The following SUCLG2 variants were observed in gnomAD, a reference collection of about 807,000 sequenced individuals.
SUCLG2 encodes succinate--CoA ligase [GDP-forming] subunit beta, mitochondrial.
Under a neutral mutation model 47.9 loss-of-function variants are expected in SUCLG2, and 42 were observed. The observed-to-expected ratio is 0.88, with a 90% CI of 0.69 to 1.14. The LOEUF is 1.14. Among genes scored for constraint, SUCLG2 ranks in the 50% most tolerant of loss-of-function variants. SUCLG2 has a pLI of 0.00. For missense variants in SUCLG2, 571 were observed against 525.9 expected (o/e 1.09, Z -0.84); for synonymous variants, 195 against 197.3 (o/e 0.99, Z 0.10).
At chr3:67,633,960 T>C (rs910817277) in intron 1 of SUCLG2, among the ~76,000 whole-genome samples, 2 of 152,240 alleles carry the variant, frequency 1.3e-5, no homozygotes, top group East Asian at 3.8e-4. Context: ...TAATCCAGTA[T>C]AAGACTACTC....
chr3:67,642,084 T>G (rs1329414915), intron 1 of SUCLG2, among the ~76,000 whole-genome samples: 1 of 152,248 alleles, frequency 6.6e-6, no homozygotes, highest in Non-Finnish European at 1.5e-5. Context: ...CTATCTCCTT[T>G]AAAGATAGAG....
intron 4 of SUCLG2, among the ~76,000 whole-genome samples, chr3:67,526,319 T>C (rs1340311824): frequency 6.6e-6 from 1 of 152,186 alleles, no homozygotes; most frequent in Non-Finnish European, 1.5e-5. Context: ...AATCTCATAA[T>C]GTTTAGAAAG....
In SUCLG2 at chr3:67,592,744, A is replaced by AC. The variant is rs1559587058; in HGVS notation, c.226+16710_226+16711insG. ...AAAAAAAAAAAAAAAAAACAACAAA[A>AC]AAAAACTGAATATCAAAGCCACAGC... On this transcript the variant is annotated intron_variant, in intron 2 of 10. Transcript: ENST00000307227. Among the ~76,000 whole-genome samples, 160 of 146,770 alleles carry AC rather than the reference A, an allele frequency of 1.1e-3. 2 individuals carry two copies. The East Asian group carries it at 0.027, about 25-fold the overall frequency.
intron 10 of SUCLG2, among the ~76,000 whole-genome samples, chr3:67,395,787 C>G (rs942475145): frequency 1.6e-4 from 25 of 152,030 alleles, no homozygotes; most frequent in Non-Finnish European, 3.4e-4. Flanking sequence ...CTCTCCTCAG[C>G]TAAAGTAAAA....
chr3:67,445,702 T>C (rs1703911421), intron 9 of SUCLG2, among the ~76,000 whole-genome samples: 1 of 40,110 alleles, frequency 2.5e-5, no homozygotes, highest in South Asian at 1.0e-3. Flanking sequence ...CTGACCATTT[T>C]TGAGAGAATG....
intron 1 of SUCLG2, among the ~76,000 whole-genome samples, chr3:67,625,927 G>A (rs1700818584): frequency 6.6e-6 from 1 of 152,072 alleles, no homozygotes; most frequent in African/African-American, 2.4e-5. Flanking sequence ...AGAATGGTAA[G>A]CAGATAAGAA....
chr3:67,608,909 T>A (rs1452685260), intron 2 of SUCLG2, among the ~76,000 whole-genome samples: 1 of 152,120 alleles, frequency 6.6e-6, no homozygotes, highest in East Asian at 1.9e-4. Context: ...ACTCCTGGAC[T>A]CAAGTGATCC....
chr3:67,541,902 C>G, intron 2 of SUCLG2, among the ~76,000 whole-genome samples: 1 of 150,374 alleles, frequency 6.7e-6, no homozygotes, highest in Non-Finnish European at 1.5e-5. Context: ...GAGTTTTGCT[C>G]TTGTTGCCCA....
intron 9 of SUCLG2, among the ~76,000 whole-genome samples, chr3:67,459,848 G>A (rs78400370): frequency 0.026 from 4,017 of 152,234 alleles, 74 homozygotes; most frequent in East Asian, 0.067. Flanking sequence ...CAATGGTACC[G>A]TTCTAAGGTT....
At chr3:67,634,685 T>C (rs147120525) in intron 1 of SUCLG2, among the ~76,000 whole-genome samples, 1 of 152,288 alleles carries the variant, frequency 6.6e-6, no homozygotes, top group Admixed American at 6.5e-5. Flanking sequence ...ATTCAATCTT[T>C]GGGCTCTCAT....
At chr3:67,509,726 G>A (rs1488794099) in intron 6 of SUCLG2, among the ~76,000 whole-genome samples, 5 of 152,182 alleles carry the variant, frequency 3.3e-5, no homozygotes, top group African/African-American at 9.7e-5. Context: ...GTGGATCGTG[G>A]AGAAGAATTA....
chr3:67,454,238 T>G (rs1704126361), intron 9 of SUCLG2, among the ~76,000 whole-genome samples: 2 of 152,246 alleles, frequency 1.3e-5, no homozygotes, highest in South Asian at 4.1e-4. Context: ...CATTTATATA[T>G]CTCCAGGATT....
intron 2 of SUCLG2, among the ~76,000 whole-genome samples, chr3:67,573,133 G>GA (rs1416948090): frequency 6.6e-6 from 1 of 152,110 alleles, no homozygotes; most frequent in Non-Finnish European, 1.5e-5. Context: ...ACATACGCTT[G>GA]AAAACCACAA....
intron 9 of SUCLG2, among the ~76,000 whole-genome samples, chr3:67,487,765 G>A (rs756120882): frequency 6.6e-6 from 1 of 152,132 alleles, no homozygotes; most frequent in Non-Finnish European, 1.5e-5. Flanking sequence ...AACTATTACT[G>A]AGGTAATTCA....
In SUCLG2 at chr3:67,379,856, C is replaced by T. The variant is rs111980253; in HGVS notation, c.1184-3997G>A. On this transcript the variant is annotated intron_variant, in intron 10 of 10. Transcript: ENST00000307227. The stretch of plus-strand genomic sequence containing the variant: ...GGGCTGGTACAATGAACTTCTGGAG[C>T]ACCTTGTATTTCTAAAATCTTACCA... Among the ~76,000 whole-genome samples the T allele has an allele frequency of 2.3e-4, 35 of 152,324 alleles. 1 individual carries two copies. The highest frequency in any genetic ancestry group is 6.0e-4 in the African/African-American group (25 of 41,578).
Position 67,647,384 on chromosome 3 carries a change from T to C in SUCLG2, c.84+7119A>G, listed in dbSNP as rs139808860. Among the ~76,000 whole-genome samples the C allele has an allele frequency of 2.4e-3, 366 of 152,344 alleles. 8 individuals are homozygous for C. In the East Asian group the frequency reaches 0.052, roughly 22 times the overall value. On this transcript the variant is annotated intron_variant, in intron 1 of 10. Coordinates refer to ENST00000307227, the MANE Select transcript of SUCLG2 (RefSeq NM_003848.4). ...AAGGGTAAAAGCTGACCATACTCAG[T>C]ACACTGGTCAAAGTCTGAACCCAGA...
chr3:67,535,940 C>T (rs565191954), intron 2 of SUCLG2, among the ~76,000 whole-genome samples: 1 of 152,378 alleles, frequency 6.6e-6, no homozygotes, highest in South Asian at 2.1e-4. Context: ...CAAGTCATCA[C>T]ACCTGATAGC....
chr3:67,563,890 G>A (rs913377618), intron 2 of SUCLG2, among the ~76,000 whole-genome samples: 5 of 151,012 alleles, frequency 3.3e-5, no homozygotes, highest in Non-Finnish European at 5.9e-5. Context: ...GAACCCGAGA[G>A]GCGAGCTTGC....
chr3:67,619,372 G>A (rs1451887274), intron 1 of SUCLG2, among the ~76,000 whole-genome samples: 1 of 152,234 alleles, frequency 6.6e-6, no homozygotes, highest in East Asian at 1.9e-4. Context: ...GCTGGTTGGA[G>A]GCAAAGCCAT....
Sources: gnomAD v4.1 joint callset for allele counts (sites outside exome capture counted in the v4.1 genomes callset) on GRCh38, gnomAD v4.1.1 for gene constraint, MANE v1.5 for transcripts, NCBI Gene and HGNC (gene_info 2026-07-23, HGNC 2026-07-21) for gene names.